The following KLHL4 variants were observed in gnomAD, a reference collection of about 807,000 sequenced individuals.
The protein encoded by KLHL4 is kelch like family member 4, also known as kelch-like protein 4.
In KLHL4, 17 loss-of-function variants were observed where a neutral mutation model predicts 45.8. The observed-to-expected ratio is 0.37, with a 90% CI of 0.25 to 0.56. The LOEUF is 0.56. KLHL4 is among the 20% of genes least tolerant of loss of function. KLHL4 has a pLI of 0.79. For synonymous variants in KLHL4, 224 were observed against 189.9 expected, an observed-to-expected ratio of 1.18 and a Z score of -1.47; for missense variants, 544 against 544.9, an observed-to-expected ratio of 1.00 and a Z score of 0.02.
Position 87,668,854 on chromosome X carries a change from G to A in KLHL4, c.*2320G>A, listed in dbSNP as rs1429625770. The A allele has an allele frequency of 7.1e-6, 4 of 562,205 alleles. No individual in the cohort carries two copies. In the African/African-American group the frequency reaches 1.0e-4, roughly 14 times the overall value. 46.3% of individuals were successfully genotyped at this position (562,205 alleles called of 1,213,427 possible). A position where few individuals can be genotyped will look rare whatever the true frequency, so the allele number is the denominator to read the frequency against. On this transcript the variant is annotated 3_prime_UTR_variant, in exon 11 of 11. Transcript: ENST00000373119. ...CTCTCAACCTCAGACTTCTCAGCCT[G>A]CCTAACTGTAAGAAATTAATTCTTT...
intron 1 of KLHL4, among the ~76,000 whole-genome samples, chrX:87,556,159 T>C (rs1024447974): frequency 1.8e-5 from 2 of 111,036 alleles, no homozygotes. Flanking sequence ...AATTTTGGAA[T>C]AGGTGTGGTG....
At chrX:87,665,441 C>T (rs1478181933) in intron 10 of KLHL4, among the ~76,000 whole-genome samples, 1 of 110,282 alleles carries the variant, frequency 9.1e-6, no homozygotes, top group South Asian at 3.9e-4. Context: ...TTCAGTCAGT[C>T]AATAATTTAG....
At chrX:87,624,070 C>A (rs1389734958) in intron 5 of KLHL4, among the ~76,000 whole-genome samples, 1 of 112,172 alleles carries the variant, frequency 8.9e-6, no homozygotes, top group African/African-American at 3.2e-5. Flanking sequence ...ACTTAAGATG[C>A]ACTGGTGTAA....
chrX:87,546,091 T>G (rs2147775824), intron 1 of KLHL4, among the ~76,000 whole-genome samples: 1 of 111,922 alleles, frequency 8.9e-6, no homozygotes, highest in South Asian at 3.7e-4. Context: ...CAAAACCTAC[T>G]TGCTAGGGAG....
intron 9 of KLHL4, among the ~76,000 whole-genome samples, chrX:87,654,378 T>C (rs1923917188): frequency 9.0e-6 from 1 of 111,563 alleles, no homozygotes; most frequent in African/African-American, 3.3e-5. Flanking sequence ...CTCCCACTTA[T>C]AACTGAGAAC....
At chrX:87,641,639 G>A (rs190955556) in intron 9 of KLHL4, among the ~76,000 whole-genome samples, 1 of 111,354 alleles carries the variant, frequency 9.0e-6, no homozygotes, top group Non-Finnish European at 1.9e-5. Context: ...CAGGTATCCT[G>A]GGGCAAGTTT....
At chrX:87,581,266 A>C (rs748263109) in intron 1 of KLHL4, among the ~76,000 whole-genome samples, 6 of 112,477 alleles carry the variant, frequency 5.3e-5, no homozygotes, top group Non-Finnish European at 9.4e-5. Context: ...CATGTTGGCT[A>C]TTTGGGCATC....
intron 9 of KLHL4, among the ~76,000 whole-genome samples, chrX:87,638,739 C>T (rs765488899): frequency 2.7e-5 from 3 of 111,141 alleles, no homozygotes; most frequent in Non-Finnish European, 5.7e-5. Flanking sequence ...ATAGAGTCTC[C>T]TTAAAGTATA....
chrX:87,606,293 G>A (rs1244088035), intron 1 of KLHL4, among the ~76,000 whole-genome samples: 1 of 110,547 alleles, frequency 9.0e-6, no homozygotes, highest in Non-Finnish European at 1.9e-5. Flanking sequence ...AGGATGATTG[G>A]TATTAGTTGT....
At position 87,667,754 on chromosome X, in the gene KLHL4, G is replaced by T. The variant is rs753899053; in HGVS notation, c.*1220G>T. 1.4e-6 allele frequency: 1 copy of T among 700,719 alleles called. No individual in the cohort carries two copies. Among genetic ancestry groups the T allele is most frequent in the Admixed American group, 8.8e-5 (1 of 11,302 alleles). 57.7% of individuals were successfully genotyped at this position (700,719 alleles called of 1,213,427 possible). On this transcript the variant is annotated 3_prime_UTR_variant, in exon 11 of 11. Coordinates refer to ENST00000373119, the MANE Select transcript of KLHL4 (RefSeq NM_019117.5). ...CTTTTCAAGTAAATGCACAACTTTA[G>T]AATTTCTACAAATAAGTTCTTTTAA...
intron 1 of KLHL4, among the ~76,000 whole-genome samples, chrX:87,599,751 A>C (rs1241675262): frequency 2.7e-5 from 3 of 111,371 alleles, no homozygotes; most frequent in Non-Finnish European, 5.7e-5. Flanking sequence ...GATCACTGAG[A>C]GGGTGTGATT....
intron 6 of KLHL4, 51 bp downstream of exon 6, chrX:87,625,847 C>A: frequency 2.0e-6 from 2 of 985,710 alleles, no homozygotes; most frequent in Non-Finnish European, 2.8e-6. Flanking sequence ...TTCTTAACAG[C>A]CTCCAAATTA....
At chrX:87,551,518 C>A (rs1373781293) in intron 1 of KLHL4, among the ~76,000 whole-genome samples, 3 of 110,300 alleles carry the variant, frequency 2.7e-5, no homozygotes, top group Non-Finnish European at 5.7e-5. Flanking sequence ...TCATAGGGAA[C>A]CAAAGAAGAG....
At chrX:87,641,210 A>G (rs1172183973) in intron 9 of KLHL4, among the ~76,000 whole-genome samples, 1 of 111,839 alleles carries the variant, frequency 8.9e-6, no homozygotes, top group African/African-American at 3.3e-5. Context: ...GAGACACCCC[A>G]AGTTCTGTGA....
intron 1 of KLHL4, among the ~76,000 whole-genome samples, chrX:87,608,519 C>T (rs1922268573): frequency 9.1e-6 from 1 of 110,023 alleles, no homozygotes; most frequent in Non-Finnish European, 1.9e-5. Flanking sequence ...TTTTATTAGT[C>T]CATTTTGCAT....
chrX:87,616,847 C>A (rs1922573590), intron 3 of KLHL4, among the ~76,000 whole-genome samples: 1 of 111,378 alleles, frequency 9.0e-6, no homozygotes, highest in Non-Finnish European at 1.9e-5. Context: ...AGAGAGTCTG[C>A]TGATGGGCTG....
At chrX:87,606,858 A>G (rs1338090793) in intron 1 of KLHL4, among the ~76,000 whole-genome samples, 2 of 111,832 alleles carry the variant, frequency 1.8e-5, no homozygotes, top group African/African-American at 3.2e-5. Context: ...CAGAGTTTAC[A>G]TTTGCACAGA....
intron 1 of KLHL4, among the ~76,000 whole-genome samples, chrX:87,565,910 A>G (rs1191285329): frequency 9.1e-6 from 1 of 109,812 alleles, no homozygotes; most frequent in Non-Finnish European, 1.9e-5. Flanking sequence ...AAGATGAGTT[A>G]TTAATCAAAA....
intron 1 of KLHL4, among the ~76,000 whole-genome samples, chrX:87,527,619 C>T (rs1480633870): frequency 1.8e-5 from 2 of 110,404 alleles, no homozygotes; most frequent in African/African-American, 6.6e-5. Context: ...CTGTTCCAAC[C>T]CCCTGGAGAG....
Sources: gnomAD v4.1 joint callset for allele counts (sites outside exome capture counted in the v4.1 genomes callset) on GRCh38, gnomAD v4.1.1 for gene constraint, MANE v1.5 for transcripts, NCBI Gene and HGNC (gene_info 2026-07-23, HGNC 2026-07-21) for gene names.